The following C12orf60 variants were observed in gnomAD, a reference collection of about 807,000 sequenced individuals.
The protein encoded by C12orf60 is chromosome 12 open reading frame 60, also known as uncharacterized protein C12orf60.
For missense variants in C12orf60, 284 were observed against 283.2 expected (o/e 1.00, Z -0.02); for synonymous variants, 102 against 94.6 (o/e 1.08, Z -0.45).
chr12:14,808,921 G>T (rs897601303), intron 1 of C12orf60, among the ~76,000 whole-genome samples: 2 of 152,134 alleles, frequency 1.3e-5, no homozygotes, highest in Non-Finnish European at 2.9e-5. Flanking sequence ...CTTACAATGG[G>T]TTGGAAACTG....
chr12:14,804,205 C>G (rs1950012383), intron 1 of C12orf60, among the ~76,000 whole-genome samples: 1 of 152,146 alleles, frequency 6.6e-6, no homozygotes, highest in Non-Finnish European at 1.5e-5. Context: ...TTTCACCAGC[C>G]AAAAGTCCTC....
Position 14,823,356 on chromosome 12 carries a change from TC to T in C12orf60, c.422del (p.Ser141TyrfsTer3). 1 of 1,614,118 alleles carries T rather than the reference TC, an allele frequency of 6.2e-7. No individual in the cohort carries two copies. Among genetic ancestry groups the T allele is most frequent in the Non-Finnish European group, 8.5e-7 (1 of 1,179,992 alleles). Reference protein sequence around the residue: ...NILGSLESSLSHLMKFPIMNL... With the variant: ...NILGSLESSLXHLMKFPIMNL... ...CCTTGGGAGTCTGGAATCTTCTCTT[TC>T]ACACTTGATGAAATTCCCCATCATG... On this transcript the variant is annotated frameshift_variant, in exon 2 of 2. Coordinates refer to ENST00000330828, the MANE Select transcript of C12orf60 (RefSeq NM_175874.4). LOFTEE classifies it low-confidence loss of function (END_TRUNC).
chr12:14,814,626 AT>A (rs200867904), intron 1 of C12orf60, among the ~76,000 whole-genome samples: 97 of 151,460 alleles, frequency 6.4e-4, no homozygotes, highest in African/African-American at 2.1e-3. Flanking sequence ...CTTGCATCCA[AT>A]TTTTTTTTCT....
intron 1 of C12orf60, among the ~76,000 whole-genome samples, chr12:14,820,196 T>C (rs1950284058): frequency 6.6e-6 from 1 of 152,056 alleles, no homozygotes; most frequent in African/African-American, 2.4e-5. Context: ...TTTATATCTG[T>C]AGGGTCATAG....
chr12:14,810,651 A>C (rs1041398191), intron 1 of C12orf60, among the ~76,000 whole-genome samples: 6 of 152,226 alleles, frequency 3.9e-5, no homozygotes, highest in Admixed American at 6.5e-5. Context: ...CCACACTTTA[A>C]TATATAATAT....
intron 1 of C12orf60, chr12:14,805,486 T>C (rs886780218): frequency 3.9e-5 from 6 of 152,722 alleles, no homozygotes; most frequent in African/African-American, 1.4e-4. Context: ...TTTTTCAGTC[T>C]CTTCTAGTTT....
chr12:14,809,561 A>G (rs1479144479), intron 1 of C12orf60, among the ~76,000 whole-genome samples: 2 of 152,228 alleles, frequency 1.3e-5, no homozygotes, highest in Non-Finnish European at 2.9e-5. Context: ...TTATTACTCC[A>G]TAAATGGTCT....
At chr12:14,812,204 G>A (rs1371346300) in intron 1 of C12orf60, among the ~76,000 whole-genome samples, 1 of 152,190 alleles carries the variant, frequency 6.6e-6, no homozygotes, top group African/African-American at 2.4e-5. Context: ...GAGCACTTTG[G>A]GAGGCCGAGG....
At chr12:14,819,613 A>T (rs1247772886) in intron 1 of C12orf60, among the ~76,000 whole-genome samples, 1 of 152,092 alleles carries the variant, frequency 6.6e-6, no homozygotes, top group African/African-American at 2.4e-5. Context: ...GGTAGCAACT[A>T]GTCTTTTATT....
chr12:14,815,267 T>C (rs1157400375), intron 1 of C12orf60, among the ~76,000 whole-genome samples: 3 of 152,172 alleles, frequency 2.0e-5, no homozygotes, highest in Non-Finnish European at 2.9e-5. Flanking sequence ...ATCTTGCCCT[T>C]GATGTATCCA....
At chr12:14,812,663 T>A (rs1950159480) in intron 1 of C12orf60, among the ~76,000 whole-genome samples, 1 of 152,142 alleles carries the variant, frequency 6.6e-6, no homozygotes, top group Non-Finnish European at 1.5e-5. Flanking sequence ...TTATTACTTT[T>A]GATATGTATC....
Position 14,823,742 on chromosome 12 carries a change from C to A in C12orf60, c.*69C>A. ...ATCTTATGGTTTTTCATAGTAGTTTCTAAGATCTTTTGGTGCCAAACATGT... is the reference window on the plus strand; with the variant it reads ...ATCTTATGGTTTTTCATAGTAGTTTATAAGATCTTTTGGTGCCAAACATGT... On this transcript the variant is annotated 3_prime_UTR_variant, in exon 2 of 2. Coordinates refer to ENST00000330828, the MANE Select transcript of C12orf60 (RefSeq NM_175874.4). The A allele has an allele frequency of 7.0e-7, 1 of 1,423,772 alleles. No individual in the cohort carries two copies. The highest frequency in any genetic ancestry group is 1.6e-5 in the South Asian group (1 of 61,794). 88.2% of individuals were successfully genotyped at this position (1,423,772 alleles called of 1,614,324 possible). A position where few individuals can be genotyped will look rare whatever the true frequency, so the allele number is the denominator to read the frequency against.
chr12:14,817,959 C>T (rs2137279594), intron 1 of C12orf60, among the ~76,000 whole-genome samples: 1 of 152,268 alleles, frequency 6.6e-6, no homozygotes, highest in East Asian at 1.9e-4. Context: ...AGGGTAAAAG[C>T]ATTCCTATTT....
intron 1 of C12orf60, among the ~76,000 whole-genome samples, chr12:14,821,219 C>G (rs1950299903): frequency 6.6e-6 from 1 of 152,114 alleles, no homozygotes; most frequent in Non-Finnish European, 1.5e-5. Flanking sequence ...TTTGAAATTT[C>G]ATTTTAATTT....
chr12:14,806,563 T>A (rs1452502256), intron 1 of C12orf60: 15 of 1,614,166 alleles, frequency 9.3e-6, no homozygotes, highest in Non-Finnish European at 1.3e-5. Flanking sequence ...AGAACCTCAG[T>A]CAGCTTATTG....
At chr12:14,806,294 A>G (rs1341216597) in intron 1 of C12orf60, 1 of 1,614,140 alleles carries the variant, frequency 6.2e-7, no homozygotes, top group Non-Finnish European at 8.5e-7. Flanking sequence ...CAGCGACTGC[A>G]CTGGCTGCAG....
intron 1 of C12orf60, among the ~76,000 whole-genome samples, chr12:14,808,545 A>G (rs1167775352): frequency 3.9e-5 from 6 of 152,238 alleles, no homozygotes; most frequent in African/African-American, 1.4e-4. Context: ...CCTCAGAAGT[A>G]TGGAATGTAG....
intron 1 of C12orf60, among the ~76,000 whole-genome samples, chr12:14,809,828 T>C (rs1331605030): frequency 6.6e-6 from 1 of 152,134 alleles, no homozygotes; most frequent in African/African-American, 2.4e-5. Context: ...CAAAAAGCAG[T>C]GACAATCTAA....
intron 1 of C12orf60, among the ~76,000 whole-genome samples, chr12:14,815,958 A>G (rs1018400870): frequency 5.9e-5 from 9 of 152,274 alleles, no homozygotes; most frequent in African/African-American, 2.2e-4. Flanking sequence ...AATAATTATC[A>G]GAGAAAAACT....
Sources: gnomAD v4.1 joint callset for allele counts (sites outside exome capture counted in the v4.1 genomes callset) on GRCh38, gnomAD v4.1.1 for gene constraint, MANE v1.5 for transcripts, NCBI Gene and HGNC (gene_info 2026-07-23, HGNC 2026-07-21) for gene names.